Variants in GATAD2A observed in about 807,000 individuals in gnomAD.
GATAD2A encodes GATA zinc finger domain containing 2A.
GATAD2A carries 12 observed loss-of-function variants against 68.5 expected under a neutral mutation model. The ratio of observed to expected loss-of-function variants is 0.18; its 90% CI spans 0.11 to 0.28. The LOEUF is 0.28. Among genes scored for constraint, GATAD2A ranks in the 10% least tolerant of loss-of-function variants. The probability of loss-of-function intolerance (pLI) is 1.00; values close to 1 mark genes in which losing one functional copy is unlikely to be tolerated. For synonymous variants in GATAD2A, 410 were observed against 375.3 expected, an observed-to-expected ratio of 1.09 and a Z score of -1.07; for missense variants, 755 against 868.5, an observed-to-expected ratio of 0.87 and a Z score of 1.64.
chr19:19,420,493 G>T (rs936222235), intron 1 of GATAD2A, among the ~76,000 whole-genome samples: 1 of 141,728 alleles, frequency 7.1e-6, no homozygotes, highest in African/African-American at 2.6e-5. Context: ...CACCACGCCT[G>T]GCCAATTTTT....
At chr19:19,392,281 G>T (rs113051897) in intron 1 of GATAD2A, among the ~76,000 whole-genome samples, 1 of 150,920 alleles carries the variant, frequency 6.6e-6, no homozygotes, top group Non-Finnish European at 1.5e-5. Flanking sequence ...ACAGGGTCTC[G>T]CTATGTTTCC....
At chr19:19,443,272 C>G (rs566421200) in intron 1 of GATAD2A, among the ~76,000 whole-genome samples, 1 of 152,164 alleles carries the variant, frequency 6.6e-6, no homozygotes, top group Non-Finnish European at 1.5e-5. Context: ...TGTGCTTCCA[C>G]AGGGACACGC....
intron 1 of GATAD2A, among the ~76,000 whole-genome samples, chr19:19,409,764 G>T (rs2050701147): frequency 6.6e-6 from 1 of 152,222 alleles, no homozygotes; most frequent in Non-Finnish European, 1.5e-5. Flanking sequence ...TACCACTGGG[G>T]ACAGATCCCG....
At chr19:19,405,579 C>A (rs1167240325), upstream of GATAD2A, among the ~76,000 whole-genome samples, 2 of 152,008 alleles carry the variant, frequency 1.3e-5, no homozygotes, top group African/African-American at 4.8e-5. Context: ...GCGGTACCGT[C>A]CGGCCCCGCC....
chr19:19,439,814 C>G (rs1468647293), intron 1 of GATAD2A, among the ~76,000 whole-genome samples: 1 of 152,134 alleles, frequency 6.6e-6, no homozygotes, highest in Non-Finnish European at 1.5e-5. Flanking sequence ...CGCCACTGCA[C>G]TCCAGCATGG....
chr19:19,487,570 C>CT lies in GATAD2A; in HGVS notation c.270-4735dup. Among the ~76,000 whole-genome samples the CT allele has an allele frequency of 1.3e-5, 2 of 152,112 alleles. 1 individual carries two copies. The highest frequency in any genetic ancestry group is 4.2e-4 in the South Asian group (2 of 4,818). On this transcript the variant is annotated intron_variant, in intron 2 of 11. Transcript: ENST00000683918. ...ACCAGCCAGCCCTTCTTGGGAAGCT[C>CT]TGGGGGGTTTCTGCTCAGACCTGCA...
chr19:19,484,483 G>C (rs1335160069), intron 2 of GATAD2A, among the ~76,000 whole-genome samples: 2 of 147,338 alleles, frequency 1.4e-5, no homozygotes, highest in East Asian at 4.0e-4. Context: ...ACTGATAACT[G>C]TGTCCTTTTT....
At chr19:19,464,375 C>T (rs2057704656) in intron 1 of GATAD2A, among the ~76,000 whole-genome samples, 1 of 152,192 alleles carries the variant, frequency 6.6e-6, no homozygotes, top group African/African-American at 2.4e-5. Flanking sequence ...ATTCCTGTGC[C>T]CTGTCCTGTT....
intron 2 of GATAD2A, among the ~76,000 whole-genome samples, chr19:19,477,127 G>A (rs1043459449): frequency 4.6e-5 from 7 of 152,144 alleles, no homozygotes; most frequent in African/African-American, 1.4e-4. Flanking sequence ...CTGAAGCCAA[G>A]CTGGATCTGC....
intron 1 of GATAD2A, among the ~76,000 whole-genome samples, chr19:19,416,992 C>G (rs1313067295): frequency 2.0e-5 from 3 of 152,134 alleles, no homozygotes; most frequent in Admixed American, 2.0e-4. Context: ...GAACTTCTGA[C>G]CTCTGGTAAT....
intron 2 of GATAD2A, chr19:19,472,560 C>A (rs572593916): frequency 2.1e-4 from 31 of 150,828 alleles, no homozygotes; most frequent in African/African-American, 7.3e-4. Flanking sequence ...TCTTGAACTC[C>A]TGACCTCAGG....
intron 2 of GATAD2A, among the ~76,000 whole-genome samples, chr19:19,483,451 C>T (rs2059196010): frequency 6.6e-6 from 1 of 152,208 alleles, no homozygotes; most frequent in Non-Finnish European, 1.5e-5. Context: ...TCTCTCACAT[C>T]CCAGCCAAGA....
At chr19:19,423,941 GA>G (rs2052742663) in intron 1 of GATAD2A, among the ~76,000 whole-genome samples, 1 of 152,136 alleles carries the variant, frequency 6.6e-6, no homozygotes, top group Non-Finnish European at 1.5e-5. Context: ...TTTCTTTTAA[GA>G]AACAGTGTCT....
chr19:19,389,336 A>G (rs922364869), intron 1 of GATAD2A, among the ~76,000 whole-genome samples: 2 of 152,210 alleles, frequency 1.3e-5, no homozygotes, highest in Non-Finnish European at 2.9e-5. Flanking sequence ...TTGGTTTAGC[A>G]TTTCAACAAG....
chr19:19,409,879 C>T (rs1196082667), intron 1 of GATAD2A, among the ~76,000 whole-genome samples: 1 of 152,132 alleles, frequency 6.6e-6, no homozygotes, highest in Non-Finnish European at 1.5e-5. Context: ...CTTGTGCTTT[C>T]CAGACTATAT....
At chr19:19,398,544 G>A (rs1467623198) in intron 1 of GATAD2A, among the ~76,000 whole-genome samples, 1 of 151,960 alleles carries the variant, frequency 6.6e-6, no homozygotes, top group Admixed American at 6.5e-5. Flanking sequence ...TGTTGCCCAG[G>A]CTGGTCTCAA....
intron 1 of GATAD2A, among the ~76,000 whole-genome samples, chr19:19,414,503 G>A (rs1212348522): frequency 6.8e-6 from 1 of 146,420 alleles, no homozygotes; most frequent in Admixed American, 6.8e-5. Flanking sequence ...TAGGTCCATT[G>A]GTCAGTTTCC....
At chr19:19,423,505 A>T (rs2052687991) in intron 1 of GATAD2A, among the ~76,000 whole-genome samples, 1 of 152,260 alleles carries the variant, frequency 6.6e-6, no homozygotes, top group Non-Finnish European at 1.5e-5. Flanking sequence ...TTCTTGGGCA[A>T]GGCCCTGAGA....
intron 1 of GATAD2A, among the ~76,000 whole-genome samples, chr19:19,445,500 C>T (rs1329850022): frequency 6.6e-6 from 1 of 152,166 alleles, no homozygotes; most frequent in African/African-American, 2.4e-5. Context: ...GTGCAACCAT[C>T]ACCTGTAATT....
Sources: allele counts gnomAD v4.1 joint callset (sites outside exome capture counted in the v4.1 genomes callset), GRCh38; gene constraint gnomAD v4.1.1; transcripts MANE v1.5; gene names NCBI Gene and HGNC (gene_info 2026-07-23, HGNC 2026-07-21).